SPARCL1: variants seen among roughly 807,000 people sequenced by gnomAD.
SPARCL1 encodes SPARC like 1, also known as SPARC-like protein 1.
In SPARCL1, 52 loss-of-function variants were observed where a neutral mutation model predicts 67.1. The ratio of observed to expected loss-of-function variants is 0.78; its 90% CI spans 0.62 to 0.98. SPARCL1 has a LOEUF of 0.98. Ranked by LOEUF, SPARCL1 falls within the 50% of genes least tolerant of loss-of-function variation. The pLI is 0.00. For synonymous variants in SPARCL1, 226 were observed against 267.8 expected, an observed-to-expected ratio of 0.84 and a Z score of 1.52; for missense variants, 717 against 782.4, an observed-to-expected ratio of 0.92 and a Z score of 1.00.
At chr4:87,500,204 A>G (rs1724788490) in intron 1 of SPARCL1, among the ~76,000 whole-genome samples, 1 of 152,172 alleles carries the variant, frequency 6.6e-6, no homozygotes, top group Admixed American at 6.5e-5. Flanking sequence ...CTTAGCAACA[A>G]CAGGTCTTCA....
chr4:87,525,933 C>T (rs1726019810), intron 1 of SPARCL1, among the ~76,000 whole-genome samples: 1 of 144,336 alleles, frequency 6.9e-6, no homozygotes, highest in African/African-American at 2.7e-5. Flanking sequence ...TACAAAAACA[C>T]CAAACAAAGA....
At chr4:87,514,561 GC>G (rs1201551070) in intron 1 of SPARCL1, among the ~76,000 whole-genome samples, 16 of 152,218 alleles carry the variant, frequency 1.1e-4, no homozygotes, top group African/African-American at 2.7e-4. Context: ...TAAAGAAGAT[GC>G]CTGTGTTTTA....
intron 10 of SPARCL1, among the ~76,000 whole-genome samples, chr4:87,474,442 A>G (rs1578089908): frequency 1.3e-5 from 2 of 152,152 alleles, no homozygotes; most frequent in East Asian, 3.9e-4. Flanking sequence ...AAATGGAGAT[A>G]ATAGCTTCAT....
intron 4 of SPARCL1, among the ~76,000 whole-genome samples, chr4:87,492,958 A>G (rs1724415857): frequency 6.6e-6 from 1 of 152,230 alleles, no homozygotes; most frequent in Non-Finnish European, 1.5e-5. Context: ...TTGTTATGTC[A>G]GAGACATTTT....
chr4:87,505,761 G>A (rs1316116843), intron 1 of SPARCL1, among the ~76,000 whole-genome samples: 3 of 136,584 alleles, frequency 2.2e-5, no homozygotes, highest in Non-Finnish European at 4.6e-5. Flanking sequence ...GTCTTTCCAT[G>A]TTGCCCAGGC....
chr4:87,489,825 G>C (rs749595888), intron 7 of SPARCL1, among the ~76,000 whole-genome samples: 3 of 152,222 alleles, frequency 2.0e-5, no homozygotes, highest in Admixed American at 6.5e-5. Context: ...GGTAAGGGGA[G>C]CCAAACACAA....
At chr4:87,517,872 C>G (rs1221476486) in intron 1 of SPARCL1, among the ~76,000 whole-genome samples, 1 of 152,196 alleles carries the variant, frequency 6.6e-6, no homozygotes, top group Non-Finnish European at 1.5e-5. Flanking sequence ...CAAGTAGCCT[C>G]ATTCTCATGG....
In SPARCL1 at chr4:87,480,911, C is replaced by G. The variant is rs143136137; in HGVS notation, c.1669-391G>C. 1.2e-3 allele frequency among the ~76,000 whole-genome samples: 181 copies of G among 151,590 alleles called. 1 individual carries two copies. In the East Asian group the frequency reaches 0.019, roughly 16 times the overall value. On this transcript the variant is annotated intron_variant, in intron 8 of 10. Coordinates refer to ENST00000282470, the MANE Select transcript of SPARCL1 (RefSeq NM_004684.6). ...TTAGTGAAAAGTGCTGCTCCTTCCC[C>G]CGATGACAGAGTCCACTCTTAGTCT...
chr4:87,517,158 T>G (rs185879177), intron 1 of SPARCL1, among the ~76,000 whole-genome samples: 2 of 152,316 alleles, frequency 1.3e-5, no homozygotes, highest in Admixed American at 1.3e-4. Flanking sequence ...TTACATTTAT[T>G]TATTTTTCTG....
At chr4:87,512,694 C>T (rs1725419205) in intron 1 of SPARCL1, among the ~76,000 whole-genome samples, 2 of 152,024 alleles carry the variant, frequency 1.3e-5, no homozygotes, top group African/African-American at 4.8e-5. Context: ...TGCAGTGGAG[C>T]CCAATCCAGA....
chr4:87,483,285 G>GTCCA (rs1191469993), intron 7 of SPARCL1, among the ~76,000 whole-genome samples: 1 of 152,038 alleles, frequency 6.6e-6, no homozygotes, highest in Non-Finnish European at 1.5e-5. Flanking sequence ...CCCTCCCTGT[G>GTCCA]TCCATGTGTT....
At chr4:87,481,064 AAGACGGGGGCT>A (rs982081957) in intron 8 of SPARCL1, among the ~76,000 whole-genome samples, 1 of 152,162 alleles carries the variant, frequency 6.6e-6, no homozygotes, top group Non-Finnish European at 1.5e-5. Context: ...CAAGGTATTC[AAGACGGGGGCT>A]AGAAATTATT....
intron 7 of SPARCL1, among the ~76,000 whole-genome samples, chr4:87,485,569 G>T (rs1224037056): frequency 1.3e-5 from 2 of 148,582 alleles, no homozygotes; most frequent in Non-Finnish European, 3.0e-5. Context: ...TCAGGATGAT[G>T]CTGGCCTCAT....
intron 7 of SPARCL1, among the ~76,000 whole-genome samples, chr4:87,486,852 AGCCTGTTTTATCTGAG>A (rs927863877): frequency 1.0e-5 from 1 of 98,112 alleles, no homozygotes; most frequent in Non-Finnish European, 2.1e-5. Context: ...GTTGGTTTAA[AGCCTGTTTTATCTGAG>A]GCTAGTATTG....
At chr4:87,525,299 A>G (rs571970420) in intron 1 of SPARCL1, among the ~76,000 whole-genome samples, 1 of 152,304 alleles carries the variant, frequency 6.6e-6, no homozygotes, top group East Asian at 1.9e-4. Context: ...TACATGCTCA[A>G]TCTCATTCAA....
At chr4:87,499,336 AT>A (rs549582491) in intron 2 of SPARCL1, among the ~76,000 whole-genome samples, 184 bp downstream of exon 2, 38 of 151,828 alleles carry the variant, frequency 2.5e-4, no homozygotes, top group East Asian at 7.7e-4. Flanking sequence ...TAGTTCTAAA[AT>A]TTTTTTTTAA....
At chr4:87,523,062 C>A (rs1353770311) in intron 1 of SPARCL1, among the ~76,000 whole-genome samples, 3 of 152,238 alleles carry the variant, frequency 2.0e-5, no homozygotes, top group African/African-American at 7.2e-5. Flanking sequence ...GAGTTCAAGA[C>A]CAGCCTAGCC....
chr4:87,504,885 T>C (rs2110242309), intron 1 of SPARCL1: 1 of 152,330 alleles, frequency 6.6e-6, no homozygotes, highest in Middle Eastern at 3.4e-3. Flanking sequence ...GTTGGATTAC[T>C]TGATATTGAA....
intron 1 of SPARCL1, among the ~76,000 whole-genome samples, chr4:87,519,796 A>G (rs1414410047): frequency 6.6e-6 from 1 of 152,188 alleles, no homozygotes; most frequent in Non-Finnish European, 1.5e-5. Context: ...ATCTATTTTC[A>G]TAAATTACTG....
Sources: allele counts gnomAD v4.1 joint callset (sites outside exome capture counted in the v4.1 genomes callset), GRCh38; gene constraint gnomAD v4.1.1; transcripts MANE v1.5; gene names NCBI Gene and HGNC (gene_info 2026-07-23, HGNC 2026-07-21).